The following STAC variants were observed in gnomAD, a reference collection of about 807,000 sequenced individuals.
STAC encodes SH3 and cysteine-rich domain-containing protein.
A neutral mutation model predicts 48.8 loss-of-function variants in STAC; 43 were observed. The observed-to-expected ratio is 0.88, with a 90% CI of 0.69 to 1.14. The LOEUF is 1.14. Ranked by LOEUF, STAC falls within the 50% of genes most tolerant of loss-of-function variation. STAC has a pLI of 0.00. For missense variants in STAC, 497 were observed against 504.0 expected, an observed-to-expected ratio of 0.99 and a Z score of 0.13; for synonymous variants, 193 against 179.5, an observed-to-expected ratio of 1.07 and a Z score of -0.60.
chr3:36,415,298 G>T (rs1453509641), intron 1 of STAC, among the ~76,000 whole-genome samples: 1 of 152,158 alleles, frequency 6.6e-6, no homozygotes, highest in African/African-American at 2.4e-5. Flanking sequence ...AGGCCTCCTT[G>T]AGCTGCGGTG....
chr3:36,447,545 C>A (rs1490627280), intron 2 of STAC, among the ~76,000 whole-genome samples: 1 of 151,996 alleles, frequency 6.6e-6, no homozygotes, highest in East Asian at 1.9e-4. Flanking sequence ...GTTGTTTGAC[C>A]ATTAGGTTGT....
intron 1 of STAC, among the ~76,000 whole-genome samples, chr3:36,384,460 AAT>A (rs1159423955): frequency 1.3e-5 from 2 of 152,172 alleles, no homozygotes; most frequent in Non-Finnish European, 2.9e-5. Flanking sequence ...TAATACACCT[AAT>A]ATGTTTGTTA....
chr3:36,432,531 G>A (rs909770921), intron 1 of STAC, among the ~76,000 whole-genome samples: 5 of 152,052 alleles, frequency 3.3e-5, no homozygotes, highest in African/African-American at 9.7e-5. Flanking sequence ...GTGAAACTCC[G>A]TCTCTACTAA....
intron 8 of STAC, among the ~76,000 whole-genome samples, chr3:36,516,019 T>C (rs1028476741): frequency 2.8e-5 from 4 of 144,602 alleles, no homozygotes; most frequent in African/African-American, 1.0e-4. Flanking sequence ...GTTTCACTCA[T>C]GTTGCCCTAG....
chr3:36,386,930 C>T (rs1024310550), intron 1 of STAC, among the ~76,000 whole-genome samples: 3 of 152,078 alleles, frequency 2.0e-5, no homozygotes, highest in Non-Finnish European at 4.4e-5. Flanking sequence ...TGCTGGGATT[C>T]TGAATGGAAC....
At chr3:36,493,066 C>A in intron 5 of STAC, 85 bp from the exon 6 acceptor site, 1 of 1,325,174 alleles carries the variant, frequency 7.5e-7, no homozygotes, top group Non-Finnish European at 1.1e-6. Flanking sequence ...CAAATTCTAC[C>A]TAAGCTCTCT....
intron 2 of STAC, among the ~76,000 whole-genome samples, chr3:36,465,734 T>G (rs1354590065): frequency 6.6e-6 from 1 of 152,098 alleles, no homozygotes; most frequent in African/African-American, 2.4e-5. Context: ...CTGAAGAACT[T>G]GGAGACCGAT....
intron 1 of STAC, among the ~76,000 whole-genome samples, chr3:36,388,103 T>C (rs2125613557): frequency 6.6e-6 from 1 of 152,286 alleles, no homozygotes; most frequent in African/African-American, 2.4e-5. Flanking sequence ...ATATCTTCTT[T>C]GGAGAAATAT....
intron 2 of STAC, among the ~76,000 whole-genome samples, chr3:36,458,048 T>G (rs891195095): frequency 6.6e-6 from 1 of 152,134 alleles, no homozygotes; most frequent in Non-Finnish European, 1.5e-5. Context: ...TTGGAAAAGA[T>G]GTAGTAGAGC....
Position 36,380,724 on chromosome 3 carries a change from T to TCC in STAC, c.82_83dup (p.Ala29LeufsTer14). ...CGGTGGGCGCCGAGCAACCGCCCTCTCCTGCATCCACCAGCAGCCAGGAAT... is the reference window on the plus strand; with the variant it reads ...CGGTGGGCGCCGAGCAACCGCCCTCTCCCCTGCATCCACCAGCAGCCAGGAAT... On this transcript the variant is annotated frameshift_variant, in exon 1 of 11. Transcript: ENST00000273183. LOFTEE classifies it high-confidence loss of function. 1 of 1,611,190 alleles carries TCC rather than the reference T, an allele frequency of 6.2e-7. No individual in the cohort carries two copies. The highest frequency in any genetic ancestry group is 1.1e-5 in the South Asian group (1 of 90,762).
chr3:36,383,662 C>T (rs894199738), intron 1 of STAC, among the ~76,000 whole-genome samples: 5 of 152,194 alleles, frequency 3.3e-5, no homozygotes, highest in African/African-American at 1.2e-4. Context: ...TAGAAGCCCA[C>T]AAATAGTCTT....
At chr3:36,474,804 T>C (rs1043441505) in intron 2 of STAC, among the ~76,000 whole-genome samples, 3 of 152,236 alleles carry the variant, frequency 2.0e-5, no homozygotes, top group Non-Finnish European at 4.4e-5. Context: ...ATTTTAACTA[T>C]AAAAGGTAAT....
intron 1 of STAC, among the ~76,000 whole-genome samples, chr3:36,425,654 G>A (rs895222501): frequency 1.2e-4 from 19 of 152,146 alleles, no homozygotes; most frequent in Non-Finnish European, 5.9e-5. Flanking sequence ...AGGGGAAGCT[G>A]GATGAAAGGT....
At chr3:36,438,731 C>T (rs780616755) in intron 1 of STAC, among the ~76,000 whole-genome samples, 1 of 152,126 alleles carries the variant, frequency 6.6e-6, no homozygotes, top group Non-Finnish European at 1.5e-5. Flanking sequence ...GAACATCATA[C>T]ATAAACTTCC....
intron 2 of STAC, among the ~76,000 whole-genome samples, chr3:36,449,383 G>A (rs6764657): frequency 0.87 from 132,711 of 152,164 alleles, 58,123 homozygotes; most frequent in African/African-American, 0.95. Flanking sequence ...ACAATTTGGC[G>A]TGTATCTCCT....
At chr3:36,506,493 C>A (rs764624185) in intron 8 of STAC, among the ~76,000 whole-genome samples, 32 of 152,106 alleles carry the variant, frequency 2.1e-4, no homozygotes, top group Admixed American at 1.6e-3. Context: ...ATGGGGATAG[C>A]ATTGAATCTA....
chr3:36,392,747 G>A (rs1192372957), intron 1 of STAC, among the ~76,000 whole-genome samples: 1 of 152,078 alleles, frequency 6.6e-6, no homozygotes, highest in Non-Finnish European at 1.5e-5. Context: ...GCTGCCTCCA[G>A]TTTATTGTCT....
intron 1 of STAC, among the ~76,000 whole-genome samples, chr3:36,429,490 T>C (rs1700640581): frequency 6.6e-6 from 1 of 152,132 alleles, no homozygotes; most frequent in Non-Finnish European, 1.5e-5. Context: ...TGGAACTTGC[T>C]CAGAGCCTTC....
At chr3:36,458,316 A>C (rs1696907361) in intron 2 of STAC, among the ~76,000 whole-genome samples, 1 of 152,140 alleles carries the variant, frequency 6.6e-6, no homozygotes, top group Non-Finnish European at 1.5e-5. Context: ...CCTTAAATAG[A>C]AAATTTTGTA....
Sources: allele counts gnomAD v4.1 joint callset (sites outside exome capture counted in the v4.1 genomes callset), GRCh38; gene constraint gnomAD v4.1.1; transcripts MANE v1.5; gene names NCBI Gene and HGNC (gene_info 2026-07-23, HGNC 2026-07-21).